Variants in FILIP1L observed in about 807,000 individuals in gnomAD.
The protein encoded by FILIP1L is filamin A-interacting protein 1-like.
A neutral mutation model predicts 96.6 loss-of-function variants in FILIP1L; 55 were observed. The observed-to-expected ratio is 0.57, with a 90% CI of 0.46 to 0.71. The LOEUF is 0.71. Among genes scored for constraint, FILIP1L ranks in the 30% least tolerant of loss-of-function variants. The probability of loss-of-function intolerance (pLI) is 0.00; values close to 1 mark genes in which losing one functional copy is unlikely to be tolerated. For synonymous variants in FILIP1L, 467 were observed against 473.9 expected, an observed-to-expected ratio of 0.99 and a Z score of 0.19; for missense variants, 1,304 against 1,321.2, an observed-to-expected ratio of 0.99 and a Z score of 0.20.
rs769955581 is a variant in FILIP1L at position 99,930,017 on chromosome 3, C to A, written c.265G>T (p.Val89Phe). Reference protein sequence around the residue: ...LEGELQARDEVIGILKAEKMD... With the variant: ...LEGELQARDEFIGILKAEKMD... ...TTTTCAGCCTTTAAAATGCCTATGA[C>A]CTCATCTCGAGCCTGTAGGAACAAA... Residue 89 changes from valine (V) to phenylalanine (F), a missense_variant, in exon 3 of 6, where the codon GTC becomes TTC. By Grantham distance (50) the Val-to-Phe change is conservative (BLOSUM62 -1). Transcript: ENST00000477258. The A allele has an allele frequency of 8.7e-6, 14 of 1,610,198 alleles. No individual in the cohort carries two copies.
At position 100,076,970 on chromosome 3, in the gene FILIP1L, C is replaced by T. The variant is rs138865479; in HGVS notation, c.-11+37083G>A. Among the ~76,000 whole-genome samples the T allele has an allele frequency of 4.1e-3, 623 of 152,306 alleles. 4 individuals carry two copies. Among genetic ancestry groups the T allele is most frequent in the Non-Finnish European group, 6.5e-3 (441 of 68,016 alleles). On this transcript the variant is annotated intron_variant, in intron 1 of 5. Coordinates refer to ENST00000477258, the MANE Select transcript of FILIP1L (RefSeq NM_001387850.1). ...AAGAGATGTCTCTTCCCAGAAGACC[C>T]TTTACTGTTCCACATAAGAAATCAA... is the stretch of plus-strand genomic sequence containing the variant.
chr3:99,893,591 T>A (rs1706160671), intron 4 of FILIP1L, among the ~76,000 whole-genome samples: 1 of 152,200 alleles, frequency 6.6e-6, no homozygotes, highest in Non-Finnish European at 1.5e-5. Flanking sequence ...GTTTTATGGA[T>A]CTTTTTACTA....
At position 99,924,438 on chromosome 3, in the gene FILIP1L, C is replaced by A. The variant is rs773415185; in HGVS notation, c.427-30G>T. On this transcript the variant is annotated intron_variant, in intron 3 of 5. Coordinates refer to ENST00000477258, the MANE Select transcript of FILIP1L (RefSeq NM_001387850.1). ...GAAAGAAAACATTTATAGCCTGTTA[C>A]CAAATTGTTTATATACTGTTGTCTT... is the stretch of plus-strand genomic sequence containing the variant. The A allele has an allele frequency of 1.9e-6, 3 of 1,598,172 alleles. No homozygotes were observed. In the African/African-American group the frequency reaches 4.0e-5, roughly 21 times the overall value.
intron 1 of FILIP1L, among the ~76,000 whole-genome samples, chr3:100,021,960 TGAGAGAGA>T (rs61630053): frequency 0.019 from 1,762 of 93,002 alleles, 60 homozygotes; most frequent in African/African-American, 0.066. Flanking sequence ...TGTGTGTGTG[TGAGAGAGA>T]GAGAGAGAGA....
intron 1 of FILIP1L, among the ~76,000 whole-genome samples, chr3:99,984,921 G>A (rs1440420959): frequency 6.6e-6 from 1 of 152,126 alleles, no homozygotes; most frequent in Non-Finnish European, 1.5e-5. Context: ...TGGACAACTG[G>A]AATTCCCAGG....
intron 1 of FILIP1L, among the ~76,000 whole-genome samples, chr3:99,986,643 G>T (rs1460180851): frequency 6.6e-6 from 1 of 152,128 alleles, no homozygotes; most frequent in Non-Finnish European, 1.5e-5. Context: ...AATTGATGAA[G>T]ATTAAATGAA....
chr3:100,016,859 C>CT (rs1710358084), intron 1 of FILIP1L, among the ~76,000 whole-genome samples: 1 of 152,156 alleles, frequency 6.6e-6, no homozygotes, highest in Non-Finnish European at 1.5e-5. Context: ...ACATCTTAGT[C>CT]TATGTTATCT....
intron 4 of FILIP1L, among the ~76,000 whole-genome samples, chr3:99,903,502 G>C (rs181682802): frequency 6.6e-6 from 1 of 152,026 alleles, no homozygotes; most frequent in African/African-American, 2.4e-5. Context: ...CACCTGCCTC[G>C]GCCTCCCAAA....
At chr3:100,036,441 C>A (rs1230047802) in intron 1 of FILIP1L, among the ~76,000 whole-genome samples, 1 of 152,050 alleles carries the variant, frequency 6.6e-6, no homozygotes, top group Non-Finnish European at 1.5e-5. Flanking sequence ...TCTGAAACAA[C>A]CTGAAGAGCG....
At position 99,950,033 on chromosome 3, in the gene FILIP1L, T is replaced by C. The variant is rs114670017; in HGVS notation, c.-10-19003A>G. 4.6e-3 allele frequency among the ~76,000 whole-genome samples: 695 copies of C among 152,320 alleles called. 2 individuals are homozygous for C. Among genetic ancestry groups the C allele is most frequent in the South Asian group, 7.0e-3 (34 of 4,826 alleles). ...TCTACCTTCGACTTTATATGTATTTTTGGCTACCTGCTAAGGAGGATTGGG... is the reference window on the plus strand; with the variant it reads ...TCTACCTTCGACTTTATATGTATTTCTGGCTACCTGCTAAGGAGGATTGGG... On this transcript the variant is annotated intron_variant, in intron 1 of 5. Transcript: ENST00000477258.
intron 4 of FILIP1L, among the ~76,000 whole-genome samples, chr3:99,863,844 A>G (rs1300828028): frequency 6.6e-6 from 1 of 152,208 alleles, no homozygotes; most frequent in Non-Finnish European, 1.5e-5. Flanking sequence ...GCAAACATAA[A>G]TAAAGATTCT....
chr3:99,882,847 T>C (rs1159348432), intron 4 of FILIP1L, among the ~76,000 whole-genome samples: 2 of 152,226 alleles, frequency 1.3e-5, no homozygotes, highest in Non-Finnish European at 2.9e-5. Context: ...TAGAAATGTT[T>C]TCTTTTGTTG....
At chr3:100,088,191 TG>T (rs1432588570) in intron 1 of FILIP1L, among the ~76,000 whole-genome samples, 1 of 152,204 alleles carries the variant, frequency 6.6e-6, no homozygotes, top group East Asian at 1.9e-4. Flanking sequence ...GGGAGCTTGC[TG>T]GGATGGAAAA....
At chr3:99,968,534 A>G (rs552042992) in intron 1 of FILIP1L, among the ~76,000 whole-genome samples, 3 of 152,320 alleles carry the variant, frequency 2.0e-5, no homozygotes, top group South Asian at 2.1e-4. Context: ...TGGGCTGGAA[A>G]TACAGATTTG....
intron 1 of FILIP1L, among the ~76,000 whole-genome samples, chr3:100,026,174 G>C (rs1465275443): frequency 6.6e-6 from 1 of 152,166 alleles, no homozygotes; most frequent in African/African-American, 2.4e-5. Flanking sequence ...AAATCTGGAA[G>C]AGTAGGCTGT....
intron 1 of FILIP1L, among the ~76,000 whole-genome samples, chr3:99,991,501 T>C (rs879780001): frequency 1.3e-5 from 2 of 152,180 alleles, no homozygotes; most frequent in Non-Finnish European, 2.9e-5. Flanking sequence ...ATTTCTTACA[T>C]GCATATATTG....
chr3:99,964,854 ACT>A (rs1708599681), intron 1 of FILIP1L, among the ~76,000 whole-genome samples: 1 of 151,226 alleles, frequency 6.6e-6, no homozygotes. Flanking sequence ...CTGTGGAAAA[ACT>A]CTTTCCTAAG....
At chr3:100,070,307 A>T (rs1385779463) in intron 1 of FILIP1L, among the ~76,000 whole-genome samples, 1 of 152,238 alleles carries the variant, frequency 6.6e-6, no homozygotes, top group African/African-American at 2.4e-5. Context: ...ATAATACTTG[A>T]AAGAGTGTGA....
intron 1 of FILIP1L, among the ~76,000 whole-genome samples, chr3:100,109,558 A>G (rs1026081636): frequency 2.6e-5 from 4 of 152,004 alleles, no homozygotes; most frequent in Non-Finnish European, 5.9e-5. Flanking sequence ...TTTTCCCACA[A>G]TGTTGTATAA....
Sources: allele counts gnomAD v4.1 joint callset (sites outside exome capture counted in the v4.1 genomes callset), GRCh38; gene constraint gnomAD v4.1.1; transcripts MANE v1.5; gene names NCBI Gene and HGNC (gene_info 2026-07-23, HGNC 2026-07-21).